The following OXSR1 variants were observed in gnomAD, a reference collection of about 807,000 sequenced individuals.
OXSR1 encodes the protein oxidative stress responsive kinase 1.
Under a neutral mutation model 79.8 loss-of-function variants are expected in OXSR1, and 24 were observed. The ratio of observed to expected loss-of-function variants is 0.30; its 90% CI spans 0.22 to 0.42. The LOEUF (loss-of-function observed/expected upper bound fraction) is 0.42, where lower values mean the gene tolerates loss of function less well. Among genes scored for constraint, OXSR1 ranks in the 10% least tolerant of loss-of-function variants. The pLI is 1.00. For missense variants in OXSR1, 430 were observed against 618.4 expected (o/e 0.70, Z 3.23); for synonymous variants, 226 against 209.2 (o/e 1.08, Z -0.69).
chr3:38,231,951 A>G lies in OXSR1; in HGVS notation c.951+1521A>G, dbSNP rs559193916. ...GTGAAACCTCGTCTCTACTAAAAAT[A>G]CAAAACTTAGCCTGGTGTGGTAGTA... On this transcript the variant is annotated intron_variant, in intron 10 of 17. Coordinates refer to ENST00000311806, the MANE Select transcript of OXSR1 (RefSeq NM_005109.3). Among the ~76,000 whole-genome samples the G allele has an allele frequency of 8.5e-5, 13 of 152,250 alleles. No homozygotes were observed. In the South Asian group the frequency reaches 2.7e-3, roughly 32 times the overall value.
intron 11 of OXSR1, among the ~76,000 whole-genome samples, chr3:38,240,000 G>T (rs1352306127): frequency 6.6e-6 from 1 of 151,910 alleles, no homozygotes; most frequent in Non-Finnish European, 1.5e-5. Flanking sequence ...GTCTTTTTTT[G>T]CAGAGGTGGG....
intron 5 of OXSR1, among the ~76,000 whole-genome samples, chr3:38,220,745 C>T (rs544360510): frequency 6.6e-6 from 1 of 152,296 alleles, no homozygotes; most frequent in South Asian, 2.1e-4. Context: ...CTTCACATTT[C>T]TAGGAGACTA....
intron 1 of OXSR1, among the ~76,000 whole-genome samples, chr3:38,178,357 G>T (rs1333812807): frequency 6.6e-6 from 1 of 152,070 alleles, no homozygotes. Flanking sequence ...CTATGGTTGT[G>T]TTTATTGAGA....
intron 11 of OXSR1, among the ~76,000 whole-genome samples, chr3:38,241,048 T>G (rs923615008): frequency 6.6e-6 from 1 of 152,152 alleles, no homozygotes; most frequent in Non-Finnish European, 1.5e-5. Flanking sequence ...CAGGATATTT[T>G]CAAGGTCTTA....
intron 14 of OXSR1, among the ~76,000 whole-genome samples, chr3:38,248,212 T>C (rs1473764153): frequency 1.3e-5 from 2 of 152,058 alleles, no homozygotes; most frequent in African/African-American, 4.8e-5. Context: ...TTTTGTAGTC[T>C]GTTTCTGTTT....
intron 6 of OXSR1, among the ~76,000 whole-genome samples, chr3:38,222,812 C>T (rs1702615255): frequency 6.6e-6 from 1 of 152,156 alleles, no homozygotes; most frequent in Non-Finnish European, 1.5e-5. Flanking sequence ...AGCTACCCCA[C>T]TACAAAACAT....
intron 1 of OXSR1, among the ~76,000 whole-genome samples, chr3:38,179,788 T>C (rs1012847435): frequency 6.8e-6 from 1 of 147,230 alleles, no homozygotes; most frequent in African/African-American, 2.7e-5. Context: ...ATTTTCCATC[T>C]GCATTTGATT....
intron 1 of OXSR1, among the ~76,000 whole-genome samples, chr3:38,169,154 CATT>C (rs1294794951): frequency 4.6e-5 from 7 of 152,200 alleles, no homozygotes; most frequent in African/African-American, 1.7e-4. Flanking sequence ...AGTGGTATCT[CATT>C]GTGGTTTTGA....
intron 3 of OXSR1, among the ~76,000 whole-genome samples, chr3:38,198,006 C>T (rs1042615057): frequency 1.3e-5 from 2 of 152,148 alleles, no homozygotes; most frequent in African/African-American, 4.8e-5. Context: ...TTCCACCAAA[C>T]TTTTTACTGA....
upstream of OXSR1, chr3:38,165,509 C>G (rs1406165453): frequency 8.3e-6 from 2 of 242,344 alleles, no homozygotes; most frequent in East Asian, 9.6e-5. Flanking sequence ...CGCTGCGTGT[C>G]GGCAGGTGGA....
At chr3:38,192,575 A>G (rs776391053) in intron 3 of OXSR1, among the ~76,000 whole-genome samples, 60 of 152,246 alleles carry the variant, frequency 3.9e-4, no homozygotes, top group Non-Finnish European at 7.8e-4. Flanking sequence ...TTGGTACGCA[A>G]TATTAACATA....
intron 11 of OXSR1, among the ~76,000 whole-genome samples, chr3:38,239,708 G>A (rs546470067): frequency 7.9e-5 from 12 of 152,260 alleles, no homozygotes; most frequent in African/African-American, 2.2e-4. Context: ...AAAAGTGACC[G>A]TCTGCAGCTA....
intron 11 of OXSR1, among the ~76,000 whole-genome samples, chr3:38,241,268 A>C (rs1385976200): frequency 6.6e-6 from 1 of 152,146 alleles, no homozygotes; most frequent in Non-Finnish European, 1.5e-5. Context: ...GAAACATTAG[A>C]TAAACCCCAT....
At chr3:38,237,503 T>C (rs563320883) in intron 11 of OXSR1, among the ~76,000 whole-genome samples, 1 of 152,304 alleles carries the variant, frequency 6.6e-6, no homozygotes, top group East Asian at 1.9e-4. Context: ...TGGAAGTGTT[T>C]ATAAGGAAAT....
chr3:38,216,126 A>G lies in OXSR1; in HGVS notation c.465A>G (p.Gly155=), dbSNP rs1468221752. The G allele has an allele frequency of 9.4e-6, 15 of 1,597,360 alleles. No individual in the cohort carries two copies. The highest frequency in any genetic ancestry group is 1.2e-5 in the Non-Finnish European group (14 of 1,169,084). The change falls in exon 5 of 18, where the codon GGA becomes GGG. Residue 155 remains glycine (G), a synonymous_variant. Coordinates refer to ENST00000311806, the MANE Select transcript of OXSR1 (RefSeq NM_005109.3). ...RDVKAGNILL[G]EDGSVQIADF... ...TGAAAGCTGGAAACATTCTTCTTGG[A>G]GAAGATGGCTCAGTACAGATTGCAG...
At chr3:38,170,419 A>G (rs942322142) in intron 1 of OXSR1, among the ~76,000 whole-genome samples, 1 of 151,620 alleles carries the variant, frequency 6.6e-6, no homozygotes. Flanking sequence ...TTTTTCTTTT[A>G]TTGATTTTGC....
intron 4 of OXSR1, among the ~76,000 whole-genome samples, chr3:38,210,680 T>C (rs1702367907): frequency 6.6e-6 from 1 of 152,192 alleles, no homozygotes; most frequent in Non-Finnish European, 1.5e-5. Context: ...GCAATAGTCT[T>C]CTGCTGCTGG....
At chr3:38,244,740 A>G (rs532755823) in intron 12 of OXSR1, among the ~76,000 whole-genome samples, 13 of 151,604 alleles carry the variant, frequency 8.6e-5, no homozygotes, top group African/African-American at 2.2e-4. Context: ...GCTGTGGTCA[A>G]TTATGCCATT....
rs1296439730 is a variant in OXSR1, at chr3:38,224,604, T to C, written c.736T>C (p.Ser246Pro). ...LMLTLQNDPP[S>P]LETGVQDKEM... ...GCTGACACTGCAGAACGATCCTCCT[T>C]CTTTGGAAACTGGTGTTCAAGATAA... Residue 246 changes from serine to proline, a missense_variant, in exon 8 of 18, where the codon TCT becomes CCT. By Grantham distance (74) the Ser-to-Pro change is moderately conservative. Transcript: ENST00000311806. The C allele has an allele frequency of 2.5e-6, 4 of 1,593,196 alleles. No individual in the cohort carries two copies. Among genetic ancestry groups the C allele is most frequent in the Non-Finnish European group, 3.4e-6 (4 of 1,173,040 alleles).
Sources: gnomAD v4.1 joint callset for allele counts (sites outside exome capture counted in the v4.1 genomes callset) on GRCh38, gnomAD v4.1.1 for gene constraint, MANE v1.5 for transcripts, NCBI Gene and HGNC (gene_info 2026-07-23, HGNC 2026-07-21) for gene names.